KIAA0825: variants seen among roughly 807,000 people sequenced by gnomAD.
KIAA0825 encodes the protein KIAA0825.
In KIAA0825, 119 loss-of-function variants were observed where a neutral mutation model predicts 147.6. That is an observed-to-expected ratio of 0.81 (90% CI 0.69 to 0.94). KIAA0825 has a LOEUF of 0.94. Ranked by LOEUF, KIAA0825 falls within the 40% of genes least tolerant of loss-of-function variation. The pLI, the probability that KIAA0825 is intolerant of heterozygous loss-of-function variation, is 0.00. For synonymous variants in KIAA0825, 470 were observed against 518.1 expected (o/e 0.91, Z 1.26); for missense variants, 1,381 against 1,472.7 (o/e 0.94, Z 1.02).
intron 20 of KIAA0825, among the ~76,000 whole-genome samples, chr5:94,354,913 G>C (rs1020298821): frequency 6.6e-6 from 1 of 152,194 alleles, no homozygotes; most frequent in Admixed American, 6.5e-5. Context: ...ATGTGCCCAA[G>C]GTGGTTGGGG....
intron 13 of KIAA0825, among the ~76,000 whole-genome samples, chr5:94,447,127 A>T (rs1047832237): frequency 1.3e-5 from 2 of 152,114 alleles, no homozygotes; most frequent in African/African-American, 4.8e-5. Flanking sequence ...AGATTTGGTT[A>T]TGGTGAGTTT....
intron 3 of KIAA0825, among the ~76,000 whole-genome samples, chr5:94,528,971 TA>T (rs551206627): frequency 6.6e-6 from 1 of 150,816 alleles, no homozygotes. Context: ...AAGAGACAGT[TA>T]AAAAAAAGAG....
At chr5:94,595,738 T>G (rs978005430) in intron 1 of KIAA0825, among the ~76,000 whole-genome samples, 3 of 152,136 alleles carry the variant, frequency 2.0e-5, no homozygotes, top group Admixed American at 1.3e-4. Flanking sequence ...AAGTTCCAAT[T>G]CCAAACCATC....
intron 2 of KIAA0825, among the ~76,000 whole-genome samples, chr5:94,544,834 C>T (rs780141016): frequency 6.6e-6 from 1 of 152,064 alleles, no homozygotes; most frequent in South Asian, 2.1e-4. Context: ...AAGGGTTCTC[C>T]GTGCAGGAAA....
intron 20 of KIAA0825, among the ~76,000 whole-genome samples, chr5:94,174,913 T>A (rs145921439): frequency 3.7e-4 from 57 of 152,270 alleles, no homozygotes; most frequent in African/African-American, 1.3e-3. Context: ...CTCACAGCTA[T>A]CACCCTGGAT....
chr5:94,288,620 TTTCTTTTGGTTTTATCTG>T (rs1777756829), intron 20 of KIAA0825, among the ~76,000 whole-genome samples: 3 of 152,298 alleles, frequency 2.0e-5, no homozygotes, highest in Middle Eastern at 3.4e-3. Flanking sequence ...CTTTCCTATT[TTTCTTTTGGTTTTATCTG>T]TCCATAAACA....
intron 1 of KIAA0825, among the ~76,000 whole-genome samples, chr5:94,599,471 ATTATAC>A (rs1252381659): frequency 6.6e-6 from 1 of 151,902 alleles, no homozygotes; most frequent in Non-Finnish European, 1.5e-5. Flanking sequence ...CATACAAAGA[ATTATAC>A]TTGGACTCTT....
intron 15 of KIAA0825, among the ~76,000 whole-genome samples, chr5:94,411,824 G>A (rs1389211493): frequency 6.6e-6 from 1 of 152,122 alleles, no homozygotes; most frequent in Non-Finnish European, 1.5e-5. Flanking sequence ...GCTCGTGCCT[G>A]TAGTCCCAGC....
intron 16 of KIAA0825, 23 bp downstream of exon 16, chr5:94,403,546 T>C: frequency 6.5e-7 from 1 of 1,538,554 alleles, no homozygotes; most frequent in Non-Finnish European, 8.8e-7. Flanking sequence ...TGTATTTTCT[T>C]AAAGAGAAAC....
intron 20 of KIAA0825, among the ~76,000 whole-genome samples, chr5:94,167,631 G>T (rs1212993318): frequency 6.6e-6 from 1 of 152,066 alleles, no homozygotes; most frequent in African/African-American, 2.4e-5. Flanking sequence ...AAAGGAAAAT[G>T]TTAATTTTCC....
intron 18 of KIAA0825, 28 bp downstream of exon 18, chr5:94,391,507 T>C (rs1409348925): frequency 2.0e-5 from 31 of 1,551,064 alleles, no homozygotes; most frequent in Non-Finnish European, 2.6e-5. Context: ...ACACACCTAA[T>C]TGCTCGATAA....
At position 94,151,213 on chromosome 5, in the gene KIAA0825, C is replaced by A. The variant is rs899311920; in HGVS notation, c.*2794G>T. Among the ~76,000 whole-genome samples the A allele has an allele frequency of 4.0e-5, 6 of 149,752 alleles. No individual in the cohort carries two copies. In the South Asian group the frequency reaches 1.3e-3, roughly 32 times the overall value. ...CGGGTGGATCATGAGGTCAGGAGAT[C>A]GAGACCATCCTGGCTAACAAGGTGA... On this transcript the variant is annotated 3_prime_UTR_variant, in exon 21 of 21. Coordinates refer to ENST00000682413, the MANE Select transcript of KIAA0825 (RefSeq NM_001145678.3).
chr5:94,217,331 A>G (rs893276218), intron 20 of KIAA0825, among the ~76,000 whole-genome samples: 8 of 152,206 alleles, frequency 5.3e-5, no homozygotes, highest in Admixed American at 4.6e-4. Flanking sequence ...TTTTACTCAT[A>G]CAGATAAACA....
chr5:94,532,698 T>G (rs922500136), intron 3 of KIAA0825, among the ~76,000 whole-genome samples: 14 of 129,428 alleles, frequency 1.1e-4, no homozygotes, highest in Non-Finnish European at 2.2e-4. Flanking sequence ...CTGGGCTAAT[T>G]TTTTTTTTTT....
chr5:94,175,540 C>A (rs1325816489), intron 20 of KIAA0825, among the ~76,000 whole-genome samples: 2 of 152,124 alleles, frequency 1.3e-5, no homozygotes, highest in South Asian at 2.1e-4. Context: ...TGGAAGAAGG[C>A]CTTATGACTT....
chr5:94,186,391 C>T (rs1374296829), intron 20 of KIAA0825, among the ~76,000 whole-genome samples: 1 of 152,006 alleles, frequency 6.6e-6, no homozygotes, highest in Non-Finnish European at 1.5e-5. Context: ...CTTTCTAAAG[C>T]AGTAAATAAT....
chr5:94,204,477 C>G (rs1257182899), intron 20 of KIAA0825, among the ~76,000 whole-genome samples: 1 of 152,104 alleles, frequency 6.6e-6, no homozygotes, highest in Non-Finnish European at 1.5e-5. Flanking sequence ...TTCTGTTATA[C>G]TAAGTTAGCA....
intron 20 of KIAA0825, among the ~76,000 whole-genome samples, chr5:94,192,177 G>A (rs912743802): frequency 6.6e-6 from 1 of 152,200 alleles, no homozygotes; most frequent in African/African-American, 2.4e-5. Flanking sequence ...AAAAAGCTCT[G>A]TGACATCGCT....
At chr5:94,596,338 G>T (rs894937205) in intron 1 of KIAA0825, among the ~76,000 whole-genome samples, 1 of 152,114 alleles carries the variant, frequency 6.6e-6, no homozygotes, top group African/African-American at 2.4e-5. Flanking sequence ...TTGAATAGGG[G>T]TCATTTCCCC....
Sources: gnomAD v4.1 joint callset for allele counts (sites outside exome capture counted in the v4.1 genomes callset) on GRCh38, gnomAD v4.1.1 for gene constraint, MANE v1.5 for transcripts, NCBI Gene and HGNC (gene_info 2026-07-23, HGNC 2026-07-21) for gene names.